Variants in PCF11 observed in about 807,000 individuals in gnomAD.
The protein encoded by PCF11 is pre-mRNA cleavage complex 2 protein Pcf11.
A neutral mutation model predicts 166.1 loss-of-function variants in PCF11; 19 were observed. That is an observed-to-expected ratio of 0.11 (90% confidence interval 0.08 to 0.17). The LOEUF is 0.17. Ranked by LOEUF, PCF11 falls within the 10% of genes least tolerant of loss-of-function variation. PCF11 has a pLI of 1.00. For missense variants in PCF11, 1,565 were observed against 1,855.5 expected (o/e 0.84, Z 2.88); for synonymous variants, 663 against 644.1 (o/e 1.03, Z -0.44).
At chr11:83,177,331 A>T in intron 10 of PCF11, 127 bp downstream of exon 10, 1 of 720,996 alleles carries the variant, frequency 1.4e-6, no homozygotes, top group Non-Finnish European at 2.0e-6. Flanking sequence ...TATAGCTTTT[A>T]TTTTTGATTT....
chr11:83,182,582 T>A, intron 14 of PCF11, 91 bp downstream of exon 14: 2 of 674,682 alleles, frequency 3.0e-6, no homozygotes, highest in South Asian at 3.7e-5. Flanking sequence ...TTCATAATAG[T>A]TTTTGTTTGA....
rs746186527 is a variant in PCF11, at chr11:83,166,458, A to G, written c.1561A>G (p.Ile521Val). The change falls in exon 5 of 16, where the codon ATT becomes GTT. Residue 521 changes from isoleucine (I) to valine (V), a missense_variant. Physicochemically the swap from Ile to Val is conservative, Grantham distance 29 (BLOSUM62 3). Transcript: ENST00000298281. ...AACATCGACACCTAAAGCTGGAAAG[A>G]TTCGCCAATCTGGAGCTAAGCAGTC... The G allele has an allele frequency of 8.7e-6, 14 of 1,614,018 alleles. No homozygotes were observed. The South Asian group carries it at 1.5e-4, about 18-fold the overall frequency.
chr11:83,165,476 A>C, intron 4 of PCF11, 124 bp from the exon 5 acceptor site: 1 of 653,784 alleles, frequency 1.5e-6, no homozygotes, highest in Non-Finnish European at 2.5e-6. Context: ...TAAGTGTACA[A>C]TTTAAATGTA....
chr11:83,169,294 G>C (rs768286560), exon 8 of PCF11: 1 of 1,611,948 alleles, frequency 6.2e-7, no homozygotes, highest in Non-Finnish European at 8.5e-7. Flanking sequence ...GGGTCCACAT[G>C]GTCAGCCAGG....
rs1375052894 is a variant in PCF11 at position 83,183,337 on chromosome 11, A to G, written c.4452+264A>G. On this transcript the variant is annotated intron_variant, in intron 15 of 15. Coordinates refer to ENST00000298281, the Ensembl canonical transcript of PCF11. ...TCCTTGCATTTTATTCACTTGAATC[A>G]TGGTATCTTTTACTAGTCCACTAGG... Among the ~76,000 whole-genome samples the G allele has an allele frequency of 4.6e-5, 7 of 152,160 alleles. No homozygotes were observed. The South Asian group carries it at 1.0e-3, about 22-fold the overall frequency.
chr11:83,162,839 A>G lies in PCF11; in HGVS notation c.319-840A>G, dbSNP rs1463072165. On this transcript the variant is annotated intron_variant, in intron 2 of 15. Transcript: ENST00000298281. ...GCCCAAGCTGGAGTGCAATGGCACA[A>G]TCTCGGCTCACTGCAACCTCCGCCT... 2.6e-5 allele frequency among the ~76,000 whole-genome samples: 4 copies of G among 152,174 alleles called. No homozygotes were observed. In the East Asian group the frequency reaches 7.7e-4, roughly 29 times the overall value.
chr11:83,184,959 ATTT>A, exon 16 of PCF11: 3 of 1,106,182 alleles, frequency 2.7e-6, no homozygotes, highest in South Asian at 3.0e-5. Context: ...AAGGTGAAGA[ATTT>A]TTTTATGTAT....
chr11:83,179,257 C>T (rs1860999740), intron 11 of PCF11, among the ~76,000 whole-genome samples: 1 of 147,186 alleles, frequency 6.8e-6, no homozygotes, highest in Non-Finnish European at 1.5e-5. Context: ...CCTCTTTTTC[C>T]TTTTTTTTTT....
chr11:83,164,065 T>C, intron 3 of PCF11, 142 bp from the exon 4 acceptor site: 2 of 629,290 alleles, frequency 3.2e-6, no homozygotes, highest in Non-Finnish European at 5.3e-6. Context: ...TTATGTAACA[T>C]TTATTTTGGG....
At chr11:83,166,235 A>G in exon 5 of PCF11, 1 of 1,613,504 alleles carries the variant, frequency 6.2e-7, no homozygotes, top group Non-Finnish European at 8.5e-7. Flanking sequence ...CTGGAAGTAG[A>G]AATAAAATCA....
At chr11:83,171,862 A>G in exon 9 of PCF11, 3 of 1,606,852 alleles carry the variant, frequency 1.9e-6, no homozygotes, top group Non-Finnish European at 2.6e-6. Flanking sequence ...GTCAAGGACA[A>G]CAGTTTTTAC....
intron 13 of PCF11, 49 bp from the exon 14 acceptor site, chr11:83,182,350 T>C (rs770871984): frequency 1.6e-5 from 15 of 956,302 alleles, no homozygotes; most frequent in Non-Finnish European, 2.2e-5. Flanking sequence ...CTTAATGGGG[T>C]TAAATATGGT....
exon 5 of PCF11, chr11:83,165,952 T>A: frequency 6.2e-7 from 1 of 1,606,906 alleles, no homozygotes; most frequent in African/African-American, 1.3e-5. Context: ...GGTGAAAAAA[T>A]AACCAAGAAA....
exon 5 of PCF11, chr11:83,166,064 G>A (rs753901279): frequency 3.3e-5 from 53 of 1,605,490 alleles, no homozygotes; most frequent in Non-Finnish European, 4.5e-5. Context: ...ATCAAGAATC[G>A]GAAAGTATGA....
exon 3 of PCF11, chr11:83,163,826 A>C (rs752143150): frequency 6.3e-7 from 1 of 1,575,408 alleles, no homozygotes; most frequent in Non-Finnish European, 8.6e-7. Context: ...CAATGTGAAT[A>C]CGTCTAGCAT....
At chr11:83,165,259 C>T (rs887177151) in intron 4 of PCF11, among the ~76,000 whole-genome samples, 1 of 152,186 alleles carries the variant, frequency 6.6e-6, no homozygotes, top group South Asian at 2.1e-4. Context: ...TGAAATGACT[C>T]TGATTCTTGT....
At chr11:83,170,201 C>G (rs1191525348) in intron 8 of PCF11, among the ~76,000 whole-genome samples, 2 of 152,170 alleles carry the variant, frequency 1.3e-5, no homozygotes, top group African/African-American at 2.4e-5. Flanking sequence ...TTAGCTCTTT[C>G]AGGATCTAGG....
intron 5 of PCF11, among the ~76,000 whole-genome samples, 174 bp downstream of exon 5, chr11:83,166,888 T>A (rs1248944284): frequency 6.6e-6 from 1 of 152,204 alleles, no homozygotes; most frequent in Non-Finnish European, 1.5e-5. Flanking sequence ...ATAAGGAAAC[T>A]GAAGTTTAGA....
In PCF11 at chr11:83,169,569, A is replaced by C. The variant is rs566850233; in HGVS notation, c.3234A>C (p.Pro1078=). Residue 1078 remains proline (P), a synonymous_variant, in exon 8 of 16, where the codon CCA becomes CCC. Coordinates refer to ENST00000298281, the Ensembl canonical transcript of PCF11. ...CAGGCCCTCAGAGGTTTGATGGACC[A>C]CCTGGACAGCAGGTTCAACCCAGAT... 2.5e-5 allele frequency: 41 copies of C among 1,614,002 alleles called. 1 individual carries two copies. The African/African-American group carries it at 3.7e-4, about 15-fold the overall frequency.
Sources: gnomAD v4.1 joint callset for allele counts (sites outside exome capture counted in the v4.1 genomes callset) on GRCh38, gnomAD v4.1.1 for gene constraint, MANE v1.5 for transcripts, NCBI Gene and HGNC (gene_info 2026-07-23, HGNC 2026-07-21) for gene names.